Variants in PALLD observed in about 807,000 individuals in gnomAD.
PALLD encodes the protein palladin, cytoskeletal associated protein, also known as palladin.
Under a neutral mutation model 123.5 loss-of-function variants are expected in PALLD, and 61 were observed. That is an observed-to-expected ratio of 0.49 (90% CI 0.40 to 0.61). The LOEUF (loss-of-function observed/expected upper bound fraction) is 0.61. Ranked by LOEUF, PALLD falls within the 20% of genes least tolerant of loss-of-function variation. The probability of loss-of-function intolerance (pLI) is 0.00; values close to 1 mark genes in which losing one functional copy is unlikely to be tolerated. For missense variants in PALLD, 1,273 were observed against 1,377.0 expected (o/e 0.92, Z 1.20); for synonymous variants, 465 against 496.4 (o/e 0.94, Z 0.84).
At chr4:168,599,061 C>T (rs1053339117) in intron 2 of PALLD, among the ~76,000 whole-genome samples, 2 of 152,008 alleles carry the variant, frequency 1.3e-5, no homozygotes, top group Admixed American at 6.6e-5. Flanking sequence ...ATAACATATC[C>T]CAACTCAACT....
intron 10 of PALLD, among the ~76,000 whole-genome samples, chr4:168,851,106 T>G (rs911625142): frequency 2.0e-5 from 3 of 152,090 alleles, no homozygotes; most frequent in African/African-American, 7.2e-5. Flanking sequence ...TCTCTTTACA[T>G]CCTCTTCCCT....
intron 8 of PALLD, among the ~76,000 whole-genome samples, chr4:168,701,978 T>C (rs891902424): frequency 2.6e-5 from 4 of 152,228 alleles, no homozygotes; most frequent in African/African-American, 9.6e-5. Flanking sequence ...TACAAGCTTA[T>C]ATCCTGTTCC....
At chr4:168,757,585 C>T (rs558777058) in intron 10 of PALLD, among the ~76,000 whole-genome samples, 87 of 152,284 alleles carry the variant, frequency 5.7e-4, no homozygotes, top group African/African-American at 1.9e-3. Context: ...ACAGAAAGAA[C>T]GAAATCTCAG....
chr4:168,706,626 C>G (rs1237384974), intron 8 of PALLD, among the ~76,000 whole-genome samples: 6 of 152,104 alleles, frequency 3.9e-5, no homozygotes, highest in African/African-American at 9.7e-5. Context: ...TTACCATCAG[C>G]ATCATCAGAA....
rs1178343536 is a variant in PALLD, at chr4:168,878,036, A to G, written c.1965-12886A>G. ...GCCGGCCTCCAGCCCCAGCTCGTCC[A>G]GCCTCCCGTCGCCCATGTCCCCGAC... On this transcript the variant is annotated intron_variant, in intron 10 of 21. Coordinates refer to ENST00000505667, the MANE Select transcript of PALLD (RefSeq NM_001166108.2). 1.0e-5 allele frequency: 15 copies of G among 1,488,416 alleles called. No homozygotes were observed. The highest frequency in any genetic ancestry group is 1.3e-5 in the Non-Finnish European group (15 of 1,125,526). 92.2% of individuals were successfully genotyped at this position (1,488,416 alleles called of 1,614,324 possible). A position where few individuals can be genotyped will look rare whatever the true frequency, so the allele number is the denominator to read the frequency against.
intron 2 of PALLD, among the ~76,000 whole-genome samples, chr4:168,517,427 A>G (rs1763092941): frequency 6.6e-6 from 1 of 152,204 alleles, no homozygotes. Context: ...TTTACTATAT[A>G]TAATTAAAAG....
chr4:168,701,634 G>T (rs1019891738), intron 8 of PALLD, among the ~76,000 whole-genome samples: 2 of 152,176 alleles, frequency 1.3e-5, no homozygotes, highest in African/African-American at 4.8e-5. Context: ...TAGGTTTCAA[G>T]GCACAGAATT....
intron 3 of PALLD, among the ~76,000 whole-genome samples, chr4:168,670,471 C>T (rs570840781): frequency 2.0e-5 from 3 of 152,098 alleles, no homozygotes; most frequent in Non-Finnish European, 4.4e-5. Context: ...CGGTGGCTCA[C>T]GCCTGTAATC....
Position 168,904,108 on chromosome 4 carries a change from A to G in PALLD, c.2622+202A>G. Reference sequence around the variant, plus strand: ...ATACTTATTTATTCCATCAGGTGTTATTCTACTCCTTCCACAAATATTATT... The same window carrying G: ...ATACTTATTTATTCCATCAGGTGTTGTTCTACTCCTTCCACAAATATTATT... On this transcript the variant is annotated intron_variant, in intron 15 of 21. Coordinates refer to ENST00000505667, the MANE Select transcript of PALLD (RefSeq NM_001166108.2). The G allele has an allele frequency of 5.1e-6, 3 of 584,622 alleles. No individual in the cohort carries two copies. The South Asian group carries it at 5.9e-5, about 11-fold the overall frequency. The allele number at this position is 584,622 out of a possible 1,614,324, so 36.2% of individuals were successfully genotyped here.
intron 10 of PALLD, among the ~76,000 whole-genome samples, chr4:168,865,257 C>T (rs139121520): frequency 2.6e-4 from 39 of 152,332 alleles, no homozygotes; most frequent in African/African-American, 7.7e-4. Flanking sequence ...TTCTTTTCCA[C>T]GGTCACAAGT....
At chr4:168,599,985 A>C (rs145639478) in intron 2 of PALLD, among the ~76,000 whole-genome samples, 76 of 150,368 alleles carry the variant, frequency 5.1e-4, no homozygotes, top group Middle Eastern at 3.4e-3. Flanking sequence ...ATATATACAT[A>C]CATGTGTATA....
At chr4:168,688,791 T>A (rs1340118719) in intron 6 of PALLD, among the ~76,000 whole-genome samples, 15 of 151,170 alleles carry the variant, frequency 9.9e-5, no homozygotes, top group South Asian at 4.2e-4. Context: ...AAAAAAAAAA[T>A]GCATAATCTT....
chr4:168,683,822 TA>T (rs961788742), intron 5 of PALLD, among the ~76,000 whole-genome samples: 9 of 152,206 alleles, frequency 5.9e-5, no homozygotes, highest in Non-Finnish European at 1.2e-4. Context: ...GTCTTATAAG[TA>T]TCACCATGTC....
intron 2 of PALLD, among the ~76,000 whole-genome samples, chr4:168,587,184 A>G (rs1770917297): frequency 6.6e-6 from 1 of 152,064 alleles, no homozygotes; most frequent in Non-Finnish European, 1.5e-5. Context: ...GATATAAACA[A>G]CAATCTGCTA....
At chr4:168,912,883 G>A (rs10009718) in intron 15 of PALLD, among the ~76,000 whole-genome samples, 2,541 of 151,878 alleles carry the variant, frequency 0.017, 61 homozygotes, top group African/African-American at 0.042. Flanking sequence ...CCACCACCCC[G>A]TCAAAATTTC....
intron 1 of PALLD, among the ~76,000 whole-genome samples, chr4:168,501,999 T>A (rs1372869458): frequency 6.6e-6 from 1 of 152,170 alleles, no homozygotes; most frequent in African/African-American, 2.4e-5. Flanking sequence ...GAACTTGAAA[T>A]GTTTTCTCAA....
chr4:168,753,789 C>T (rs888390345), intron 10 of PALLD, among the ~76,000 whole-genome samples: 1 of 152,180 alleles, frequency 6.6e-6, no homozygotes, highest in Non-Finnish European at 1.5e-5. Context: ...GATCCTTCAG[C>T]CATAGTCAGG....
chr4:168,849,353 G>A (rs1747398595), intron 10 of PALLD, among the ~76,000 whole-genome samples: 1 of 152,174 alleles, frequency 6.6e-6, no homozygotes, highest in Non-Finnish European at 1.5e-5. Context: ...TCAGATTTTT[G>A]TCATTGTATA....
chr4:168,607,712 T>G (rs535533751), intron 2 of PALLD, among the ~76,000 whole-genome samples: 1 of 152,286 alleles, frequency 6.6e-6, no homozygotes, highest in South Asian at 2.1e-4. Context: ...GTTGAGGCTG[T>G]CATGCTGTTA....
Sources: gnomAD v4.1 joint callset for allele counts (sites outside exome capture counted in the v4.1 genomes callset) on GRCh38, gnomAD v4.1.1 for gene constraint, MANE v1.5 for transcripts, NCBI Gene and HGNC (gene_info 2026-07-23, HGNC 2026-07-21) for gene names.